Variants in RGS6 observed in about 807,000 individuals in gnomAD.
RGS6 encodes regulator of G protein signaling 6.
In RGS6, 30 loss-of-function variants were observed where a neutral mutation model predicts 78.5. That is an observed-to-expected ratio of 0.38 (90% CI 0.29 to 0.52). RGS6 has a LOEUF of 0.52. Among genes scored for constraint, RGS6 ranks in the 20% least tolerant of loss-of-function variants. RGS6 has a pLI of 0.85. For synonymous variants in RGS6, 206 were observed against 206.0 expected (o/e 1.00, Z 0.00); for missense variants, 495 against 609.7 (o/e 0.81, Z 1.98).
intron 3 of RGS6, among the ~76,000 whole-genome samples, chr14:72,353,845 G>A (rs894098374): frequency 7.2e-5 from 11 of 152,022 alleles, no homozygotes; most frequent in African/African-American, 1.2e-4. Context: ...TTAGCCGGGC[G>A]TAGTGGTGCG....
intron 2 of RGS6, among the ~76,000 whole-genome samples, chr14:72,214,217 C>A (rs2044975920): frequency 6.6e-6 from 1 of 150,392 alleles, no homozygotes; most frequent in African/African-American, 2.5e-5. Context: ...ACTCTGTCAC[C>A]CAGGCTGGAG....
intron 2 of RGS6, among the ~76,000 whole-genome samples, chr14:72,258,880 A>C (rs1270952398): frequency 1.3e-5 from 2 of 152,220 alleles, no homozygotes; most frequent in African/African-American, 4.8e-5. Context: ...CCTTTTGTGC[A>C]GATCTATATG....
the RGS6 span, among the ~76,000 whole-genome samples, chr14:71,895,245 G>A: frequency 8.5e-5 from 13 of 152,076 alleles, no homozygotes; most frequent in Non-Finnish European, 2.9e-5. Context: ...ATGCAGTGGC[G>A]TGATCTTGGT....
At chr14:71,987,410 C>A (rs1032473413) in intron 2 of RGS6, among the ~76,000 whole-genome samples, 1 of 152,050 alleles carries the variant, frequency 6.6e-6, no homozygotes, top group African/African-American at 2.4e-5. Flanking sequence ...CAAGCCCATG[C>A]CATCGAGGAG....
At chr14:72,445,251 G>T (rs2095334831) in intron 3 of RGS6, among the ~76,000 whole-genome samples, 1 of 152,194 alleles carries the variant, frequency 6.6e-6, no homozygotes, top group Non-Finnish European at 1.5e-5. Context: ...GAGTGTAGTG[G>T]TGCAGTCGGC....
At chr14:72,586,746 T>C in the RGS6 span, among the ~76,000 whole-genome samples, 2 of 152,182 alleles carry the variant, frequency 1.3e-5, no homozygotes, top group Non-Finnish European at 2.9e-5. Context: ...AATGGCCTGA[T>C]GCCTTGTCTG....
At chr14:72,249,225 A>G (rs1052512301) in intron 2 of RGS6, among the ~76,000 whole-genome samples, 1 of 152,236 alleles carries the variant, frequency 6.6e-6, no homozygotes, top group East Asian at 1.9e-4. Flanking sequence ...GACAAAAGAA[A>G]GTTATAGGGA....
the RGS6 span, among the ~76,000 whole-genome samples, chr14:71,891,526 A>C: frequency 6.6e-6 from 1 of 152,204 alleles, no homozygotes; most frequent in Non-Finnish European, 1.5e-5. Context: ...CTCTGAGAAC[A>C]AACATCCTAA....
the RGS6 span, among the ~76,000 whole-genome samples, chr14:72,599,494 C>T: frequency 6.8e-4 from 97 of 143,102 alleles, 1 homozygote; most frequent in East Asian, 0.018. Flanking sequence ...CTGCAAGCTC[C>T]GCCTCCCGAG....
At chr14:72,472,704 G>A (rs188380528) in intron 8 of RGS6, among the ~76,000 whole-genome samples, 168 bp from the exon 9 acceptor site, 1 of 152,246 alleles carries the variant, frequency 6.6e-6, no homozygotes, top group Admixed American at 6.5e-5. Flanking sequence ...TTCGGGGGGG[G>A]AATTATACAC....
intron 17 of RGS6, among the ~76,000 whole-genome samples, chr14:72,555,056 G>T (rs1335364333): frequency 6.6e-6 from 1 of 152,204 alleles, no homozygotes; most frequent in African/African-American, 2.4e-5. Flanking sequence ...AGCAGGGAGG[G>T]CTTCCTCCAC....
Position 72,314,941 on chromosome 14 carries a change from C to T in RGS6, c.85-37154C>T, listed in dbSNP as rs142214167. The stretch of plus-strand genomic sequence containing the variant: ...TCACTGTAGCGCATTTAGAAACACA[C>T]GACCAGAAATTGTGTGAAACATTGC... On this transcript the variant is annotated intron_variant, in intron 2 of 17. Transcript: ENST00000553525. 8.1e-4 allele frequency among the ~76,000 whole-genome samples: 124 copies of T among 152,348 alleles called. 1 individual carries two copies. The highest frequency in any genetic ancestry group is 6.7e-3 in the East Asian group (35 of 5,188).
At chr14:72,475,199 GTTTTTTTTTTTTTTT>G (rs11300478) in intron 10 of RGS6, among the ~76,000 whole-genome samples, 1 of 122,010 alleles carries the variant, frequency 8.2e-6, no homozygotes, top group African/African-American at 3.0e-5. Flanking sequence ...CTTTTTTATG[GTTTTTTTTTTTTTTT>G]TTTTTTTTGG....
intron 2 of RGS6, among the ~76,000 whole-genome samples, chr14:72,209,559 A>C (rs541307096): frequency 6.6e-6 from 1 of 152,272 alleles, no homozygotes; most frequent in African/African-American, 2.4e-5. Flanking sequence ...AGTTGTCTAC[A>C]TGCAGGACAA....
the RGS6 span, among the ~76,000 whole-genome samples, chr14:72,610,148 C>T: frequency 6.6e-6 from 1 of 152,192 alleles, no homozygotes; most frequent in African/African-American, 2.4e-5. Flanking sequence ...GGTGCCCATA[C>T]CTGGAAGAAG....
chr14:72,052,987 C>CTTTCTTTCTTTCTTTCTT lies in RGS6; in HGVS notation c.84+88113_84+88114insTTCTTTCTTTCTTTCTTT. Among the ~76,000 whole-genome samples, 141 of 54,132 alleles carry CTTTCTTTCTTTCTTTCTT rather than the reference C, an allele frequency of 2.6e-3. 1 individual carries two copies. Among genetic ancestry groups the CTTTCTTTCTTTCTTTCTT allele is most frequent in the Non-Finnish European group, 3.5e-3 (104 of 29,606 alleles). The allele number at this position is 54,132 out of a possible 152,430, so 35.5% of individuals were successfully genotyped here. On this transcript the variant is annotated intron_variant, in intron 2 of 17. Coordinates refer to ENST00000553525, the MANE Select transcript of RGS6 (RefSeq NM_001204424.2). ...TTTCTTTCTTTCTTTCTTTCTTTCT[C>CTTTCTTTCTTTCTTTCTT]TCTCTCTCTCTCTCTCTCTTTCTTT...
rs183003348 is a variant in RGS6 at position 72,349,892 on chromosome 14, A to G, written c.85-2203A>G. 1.9e-3 allele frequency among the ~76,000 whole-genome samples: 288 copies of G among 152,274 alleles called. 2 individuals are homozygous for G. Among genetic ancestry groups the G allele is most frequent in the South Asian group, 8.1e-3 (39 of 4,828 alleles). On this transcript the variant is annotated intron_variant, in intron 2 of 17. Coordinates refer to ENST00000553525, the MANE Select transcript of RGS6 (RefSeq NM_001204424.2). ...TCCAATTCTCAATGATTTTCTGGCC[A>G]TTTTCATAGAAACCATCAATGTAAC... is the stretch of plus-strand genomic sequence containing the variant.
intron 2 of RGS6, among the ~76,000 whole-genome samples, chr14:72,190,678 G>T (rs1402295531): frequency 6.6e-6 from 1 of 152,238 alleles, no homozygotes; most frequent in Non-Finnish European, 1.5e-5. Context: ...CTACAAGTAT[G>T]TAGAGGAGAA....
intron 2 of RGS6, among the ~76,000 whole-genome samples, chr14:72,270,507 G>C (rs2059782840): frequency 6.6e-6 from 1 of 152,186 alleles, no homozygotes; most frequent in Non-Finnish European, 1.5e-5. Flanking sequence ...CACACACAGT[G>C]ACTACACATT....
Sources: gnomAD v4.1 joint callset for allele counts (sites outside exome capture counted in the v4.1 genomes callset) on GRCh38, gnomAD v4.1.1 for gene constraint, MANE v1.5 for transcripts, NCBI Gene and HGNC (gene_info 2026-07-23, HGNC 2026-07-21) for gene names.